Variants in APC2 observed in about 807,000 individuals in gnomAD.
APC2 encodes APC regulator of Wnt signaling pathway 2, also known as adenomatous polyposis coli protein 2.
A neutral mutation model predicts 72.5 loss-of-function variants in APC2; 41 were observed. The ratio of observed to expected loss-of-function variants is 0.57; its 90% confidence interval spans 0.44 to 0.73. APC2 has a LOEUF of 0.73. Ranked by LOEUF, APC2 falls within the 30% of genes least tolerant of loss-of-function variation. The pLI is 0.00. For missense variants in APC2, 3,729 were observed against 3,403.4 expected (o/e 1.10, Z -2.38); for synonymous variants, 1,898 against 1,612.0 (o/e 1.18, Z -4.25).
chr19:1,462,234 G>C, intron 14 of APC2, 57 bp downstream of exon 14: 1 of 1,457,152 alleles, frequency 6.9e-7, no homozygotes, highest in Non-Finnish European at 9.2e-7. Flanking sequence ...CGGGCACAGG[G>C]CTGGGCTGGG....
At chr19:1,462,440 G>A (rs1357676456) in intron 14 of APC2, among the ~76,000 whole-genome samples, 7 of 151,792 alleles carry the variant, frequency 4.6e-5, no homozygotes, top group African/African-American at 1.7e-4. Context: ...CAGATCACCT[G>A]AGGTTGGGAG....
chr19:1,469,491 G>A lies in APC2; in HGVS notation c.6190G>A (p.Ala2064Thr), dbSNP rs1430233928. The part of the protein sequence containing the change: ...PAPARQRPPA[A>T]RPSPGERPAR... ...CCCGGCCCGGCAGCGGCCCCCCGCG[G>A]CCCGACCCAGCCCTGGCGAGCGCCC... Residue 2064 changes from alanine to threonine, a missense_variant, in exon 15 of 15, where the codon GCC (alanine) becomes ACC (threonine). Physicochemically the swap from Ala to Thr is moderately conservative, Grantham distance 58. Coordinates refer to ENST00000590469, the MANE Select transcript of APC2 (RefSeq NM_005883.3). 9.1e-7 allele frequency: 1 copy of A among 1,103,666 alleles called. No homozygotes were observed. Among genetic ancestry groups the A allele is most frequent in the South Asian group, 3.4e-5 (1 of 29,544 alleles). 68.4% of individuals were successfully genotyped at this position (1,103,666 alleles called of 1,614,324 possible). A position where few individuals can be genotyped will look rare whatever the true frequency, so the allele number is the denominator to read the frequency against.
At position 1,467,202 on chromosome 19, in the gene APC2, T is replaced by G; in HGVS notation, c.3901T>G (p.Cys1301Gly). Residue 1301 changes from cysteine to glycine, a missense_variant, in exon 15 of 15, where the codon TGC becomes GGC. By Grantham distance (159) the Cys-to-Gly change is radical. Transcript: ENST00000590469. Reference sequence around the variant, plus strand: ...GGAGCTGCGGCTGCTGCCCTCGGCCTGCCCCGAGCGCGGCGGGGGCGCCGG... The same window carrying G: ...GGAGCTGCGGCTGCTGCCCTCGGCCGGCCCCGAGCGCGGCGGGGGCGCCGG... ...DVELRLLPSA[C>G]PERGGGAGGA... is the part of the protein sequence containing the mutation. The G allele has an allele frequency of 7.0e-7, 1 of 1,437,966 alleles. No individual in the cohort carries two copies. The highest frequency in any genetic ancestry group is 1.6e-5 in the South Asian group (1 of 63,682). 89.1% of individuals were successfully genotyped at this position (1,437,966 alleles called of 1,614,324 possible). A position where few individuals can be genotyped will look rare whatever the true frequency, so the allele number is the denominator to read the frequency against.
chr19:1,457,372 T>G (rs774470316), intron 9 of APC2, 129 bp downstream of exon 9: 1 of 1,314,428 alleles, frequency 7.6e-7, no homozygotes, highest in Non-Finnish European at 9.9e-7. Context: ...AGTACCAGGC[T>G]CCGGCCGAGG....
rs1208989328 is a variant in APC2 at position 1,467,485 on chromosome 19, G to A, written c.4184G>A (p.Gly1395Asp). The change falls in exon 15 of 15, where the codon GGC becomes GAC. Residue 1395 changes from glycine to aspartate, a missense_variant. Physicochemically the swap from Gly to Asp is moderately conservative, Grantham distance 94. Transcript: ENST00000590469. ...GACTCCTGCACTGACTCCGCGGAGG[G>A]CACGCCGGTCAACTTCTCTAGCGCC... ...EDDSCTDSAE[G>D]TPVNFSSAAS... 7 of 1,456,280 alleles carry A rather than the reference G, an allele frequency of 4.8e-6. No homozygotes were observed. The Admixed American group carries it at 7.3e-5, about 15-fold the overall frequency. 90.2% of individuals were successfully genotyped at this position (1,456,280 alleles called of 1,614,324 possible).
chr19:1,458,315 C>T (rs867374414), intron 10 of APC2: 5 of 547,388 alleles, frequency 9.1e-6, no homozygotes, highest in African/African-American at 1.9e-5. Context: ...CCCTAAGTTC[C>T]CTGGGGCTCA....
intron 14 of APC2, among the ~76,000 whole-genome samples, chr19:1,463,270 T>A (rs961690739): frequency 2.6e-5 from 4 of 151,228 alleles, no homozygotes; most frequent in African/African-American, 9.7e-5. Flanking sequence ...ACAAAAAAAA[T>A]AGCCAGGCAT....
chr19:1,464,248 G>A (rs777905324), intron 14 of APC2, among the ~76,000 whole-genome samples: 1 of 152,102 alleles, frequency 6.6e-6, no homozygotes, highest in Non-Finnish European at 1.5e-5. Context: ...GGTGGAGGTT[G>A]CAGTGAGCGG....
At chr19:1,457,517 CTTT>C in intron 9 of APC2, 1 of 546,184 alleles carries the variant, frequency 1.8e-6, no homozygotes. Context: ...CTTTGAGATT[CTTT>C]TTTTGCAGTT....
chr19:1,468,805 C>G lies in APC2; in HGVS notation c.5504C>G (p.Pro1835Arg), dbSNP rs751899934. Residue 1835 changes from proline (P) to arginine (R), a missense_variant, in exon 15 of 15, where the codon CCC becomes CGC. Physicochemically the swap from Pro to Arg is moderately radical, Grantham distance 103. Transcript: ENST00000590469. The part of the protein sequence containing the change: ...QPAAPAKVPS[P>R]GQQRSRSLHR... ...GCGGCTCCAGCCAAAGTCCCGAGCC[C>G]CGGGCAGCAGCGGTCGCGGAGCCTA... The G allele has an allele frequency of 6.5e-7, 1 of 1,535,324 alleles. No individual in the cohort carries two copies. Among genetic ancestry groups the G allele is most frequent in the Non-Finnish European group, 8.7e-7 (1 of 1,144,534 alleles).
Position 1,467,545 on chromosome 19 carries a change from C to G in APC2, c.4244C>G (p.Pro1415Arg). The change falls in exon 15 of 15, where the codon CCC becomes CGC. Residue 1415 changes from proline (P) to arginine (R), a missense_variant. Coordinates refer to ENST00000590469, the MANE Select transcript of APC2 (RefSeq NM_005883.3). ...AGCGACGAGACGCTGCAGGGACCCC[C>G]CAGGGACCAGCCCGGGGGACCAGCG... ...SLSDETLQGP[P>R]RDQPGGPAGR... 6.6e-7 allele frequency: 1 copy of G among 1,504,904 alleles called. No homozygotes were observed. The highest frequency in any genetic ancestry group is 8.8e-7 in the Non-Finnish European group (1 of 1,132,888). The allele number at this position is 1,504,904 out of a possible 1,614,324, so 93.2% of individuals were successfully genotyped here. A position where few individuals can be genotyped will look rare whatever the true frequency, so the allele number is the denominator to read the frequency against.
chr19:1,454,619 A>G (rs1483464733), intron 4 of APC2, among the ~76,000 whole-genome samples: 1 of 142,640 alleles, frequency 7.0e-6, no homozygotes, highest in Non-Finnish European at 1.5e-5. Flanking sequence ...GCTGGAGTGC[A>G]GTGGCGCGAT....
chr19:1,457,076 C>G lies in APC2; in HGVS notation c.1040C>G (p.Ala347Gly). The G allele has an allele frequency of 6.4e-7, 1 of 1,556,198 alleles. No individual in the cohort carries two copies. Among genetic ancestry groups the G allele is most frequent in the Non-Finnish European group, 8.6e-7 (1 of 1,157,740 alleles). ...APGAKDARMR[A>G]NAALHNIVFS... ...GGCGCCAAGGACGCACGCATGCGCG[C>G]CAACGCGGCGCTGCACAACATCGTC... is the stretch of plus-strand genomic sequence containing the variant. Residue 347 changes from alanine to glycine, a missense_variant, in exon 9 of 15, where the codon GCC becomes GGC. Ala to Gly is a moderately conservative substitution (Grantham distance 60). Transcript: ENST00000590469.
intron 14 of APC2, among the ~76,000 whole-genome samples, chr19:1,463,581 CAAAA>C (rs58370572): frequency 1.0e-5 from 1 of 96,270 alleles, no homozygotes; most frequent in African/African-American, 3.5e-5. Context: ...AAAACTGTCT[CAAAA>C]AAAAAAAAAA....
rs904272099 is a variant in APC2 at position 1,469,488 on chromosome 19, G to C, written c.6187G>C (p.Ala2063Pro). 3 of 1,106,024 alleles carry C rather than the reference G, an allele frequency of 2.7e-6. No individual in the cohort carries two copies. Among genetic ancestry groups the C allele is most frequent in the South Asian group, 6.8e-5 (2 of 29,532 alleles). The allele number at this position is 1,106,024 out of a possible 1,614,324, so 68.5% of individuals were successfully genotyped here. ...GPAPARQRPP[A>P]ARPSPGERPA... ...GGCCCCGGCCCGGCAGCGGCCCCCC[G>C]CGGCCCGACCCAGCCCTGGCGAGCG... is the stretch of plus-strand genomic sequence containing the variant. The change falls in exon 15 of 15, where the codon GCG becomes CCG. Residue 2063 changes from alanine (A) to proline (P), a missense_variant. Physicochemically the swap from Ala to Pro is conservative, Grantham distance 27. Coordinates refer to ENST00000590469, the MANE Select transcript of APC2 (RefSeq NM_005883.3).
At position 1,457,239 on chromosome 19, in the gene APC2, C is replaced by T; in HGVS notation, c.1203C>T (p.Gly401=). The change falls in exon 9 of 15, where the codon GGC becomes GGT. Residue 401 remains glycine (G), a synonymous_variant. Transcript: ENST00000590469. ...RDGGPEGGGA[G]SAPIPIEPQI... Reference sequence around the variant, plus strand: ...GCGGGCCCGAGGGAGGTGGCGCCGGCAGCGGTGAGTGCCTGGCCTGGTGGG... The same window carrying T: ...GCGGGCCCGAGGGAGGTGGCGCCGGTAGCGGTGAGTGCCTGGCCTGGTGGG... 6.5e-7 allele frequency: 1 copy of T among 1,527,278 alleles called. No homozygotes were observed. Among genetic ancestry groups the T allele is most frequent in the South Asian group, 1.2e-5 (1 of 82,276 alleles). The allele number at this position is 1,527,278 out of a possible 1,614,324, so 94.6% of individuals were successfully genotyped here. A position where few individuals can be genotyped will look rare whatever the true frequency, so the allele number is the denominator to read the frequency against.
At position 1,460,795 on chromosome 19, in the gene APC2, C is replaced by G. The variant is rs766629792; in HGVS notation, c.1459C>G (p.Arg487Gly). ...DVANKATLCA[R>G]RGCMEAIVAQ... is the part of the protein sequence containing the mutation. ...CCCCCAACAGGCCACCCTGTGTGCG[C>G]GCCGCGGCTGCATGGAGGCCATCGT... Residue 487 changes from arginine (R) to glycine (G), a missense_variant, in exon 12 of 15, where the codon CGC becomes GGC. By Grantham distance (125) the Arg-to-Gly change is moderately radical (BLOSUM62 -2). Transcript: ENST00000590469. 6.2e-7 allele frequency: 1 copy of G among 1,612,998 alleles called. No individual in the cohort carries two copies.
In APC2 at chr19:1,468,822, C is replaced by G. The variant is rs1370008380; in HGVS notation, c.5521C>G (p.Arg1841Gly). ...CCCGAGCCCCGGGCAGCAGCGGTCGCGGAGCCTACACCGGCCTGCCAAGAC... is the reference window on the plus strand; with the variant it reads ...CCCGAGCCCCGGGCAGCAGCGGTCGGGGAGCCTACACCGGCCTGCCAAGAC... ...KVPSPGQQRSRSLHRPAKTSE... is the reference protein window; with the variant it reads ...KVPSPGQQRSGSLHRPAKTSE... The change falls in exon 15 of 15, where the codon CGG becomes GGG. Residue 1841 changes from arginine (R) to glycine (G), a missense_variant. Coordinates refer to ENST00000590469, the MANE Select transcript of APC2 (RefSeq NM_005883.3). The G allele has an allele frequency of 3.9e-6, 6 of 1,545,716 alleles. No homozygotes were observed. Among genetic ancestry groups the G allele is most frequent in the Middle Eastern group, 3.5e-4 (2 of 5,638 alleles).
At chr19:1,447,418 G>A (rs1017401071), upstream of APC2, among the ~76,000 whole-genome samples, 4 of 152,196 alleles carry the variant, frequency 2.6e-5, no homozygotes, top group African/African-American at 9.6e-5. Flanking sequence ...GGGTGGGGGA[G>A]TGAGCATTTC....
Sources: gnomAD v4.1 joint callset for allele counts (sites outside exome capture counted in the v4.1 genomes callset) on GRCh38, gnomAD v4.1.1 for gene constraint, MANE v1.5 for transcripts, NCBI Gene and HGNC (gene_info 2026-07-23, HGNC 2026-07-21) for gene names.